GRIP1: variants seen among roughly 807,000 people sequenced by gnomAD.
The protein encoded by GRIP1 is glutamate receptor-interacting protein 1.
GRIP1 carries 45 observed loss-of-function variants against 129.9 expected under a neutral mutation model. The observed-to-expected ratio is 0.35, with a 90% CI of 0.27 to 0.44. The LOEUF (loss-of-function observed/expected upper bound fraction) is 0.44, where lower values mean the gene tolerates loss of function less well. Among genes scored for constraint, GRIP1 ranks in the 20% least tolerant of loss-of-function variants. The pLI is 1.00. For missense variants in GRIP1, 1,196 were observed against 1,396.8 expected (o/e 0.86, Z 2.29); for synonymous variants, 530 against 520.8 (o/e 1.02, Z -0.24).
intron 1 of GRIP1, among the ~76,000 whole-genome samples, chr12:66,822,386 T>C (rs1370180928): frequency 6.6e-6 from 1 of 152,244 alleles, no homozygotes; most frequent in East Asian, 1.9e-4. Context: ...AAGGGAATGC[T>C]TATTCATTGC....
At chr12:66,817,729 T>C (rs1000674458) in intron 1 of GRIP1, among the ~76,000 whole-genome samples, 1 of 152,182 alleles carries the variant, frequency 6.6e-6, no homozygotes, top group Non-Finnish European at 1.5e-5. Flanking sequence ...TTTTAAAATA[T>C]GTTTATTACT....
chr12:66,813,058 T>C (rs981814772), intron 1 of GRIP1, among the ~76,000 whole-genome samples: 1 of 152,184 alleles, frequency 6.6e-6, no homozygotes, highest in Admixed American at 6.5e-5. Flanking sequence ...TGTGTTACTA[T>C]AAAGGAATAC....
At chr12:66,595,304 CA>C (rs1206626141) in intron 2 of GRIP1, among the ~76,000 whole-genome samples, 1 of 152,148 alleles carries the variant, frequency 6.6e-6, no homozygotes, top group African/African-American at 2.4e-5. Context: ...GTGTATTTAA[CA>C]TGTAACTTAA....
chr12:66,979,769 A>G (rs2202340), intron 1 of GRIP1, among the ~76,000 whole-genome samples: 24,106 of 152,158 alleles, frequency 0.16, 2,043 homozygotes, highest in African/African-American at 0.2. Flanking sequence ...GAAAAGACAC[A>G]CAGGGAGAAT....
At chr12:67,043,224 G>A (rs1287890083) in intron 1 of GRIP1, among the ~76,000 whole-genome samples, 1 of 152,162 alleles carries the variant, frequency 6.6e-6, no homozygotes, top group Non-Finnish European at 1.5e-5. Flanking sequence ...CCTCCTGAAA[G>A]CCACGAATTA....
chr12:67,017,964 T>C (rs1400494659), intron 1 of GRIP1, among the ~76,000 whole-genome samples: 4 of 152,190 alleles, frequency 2.6e-5, no homozygotes, highest in Non-Finnish European at 5.9e-5. Context: ...ATTGCTTATG[T>C]GTTAGGCTAC....
intron 1 of GRIP1, among the ~76,000 whole-genome samples, chr12:66,647,798 G>A (rs192658048): frequency 1.3e-4 from 20 of 152,256 alleles, no homozygotes; most frequent in African/African-American, 3.9e-4. Context: ...GGATTTGTCA[G>A]TATGAATTAA....
At chr12:66,551,996 G>A (rs2062156597) in intron 2 of GRIP1, among the ~76,000 whole-genome samples, 1 of 152,166 alleles carries the variant, frequency 6.6e-6, no homozygotes, top group African/African-American at 2.4e-5. Flanking sequence ...CAAGGGATGG[G>A]AGCAGCTGGG....
intron 1 of GRIP1, among the ~76,000 whole-genome samples, chr12:66,693,882 T>C (rs547582703): frequency 2.0e-5 from 3 of 152,334 alleles, no homozygotes; most frequent in Admixed American, 6.5e-5. Flanking sequence ...GAACTGATGA[T>C]AAATTTAGTG....
chr12:66,974,861 G>A (rs999842718), intron 1 of GRIP1, among the ~76,000 whole-genome samples: 3 of 152,138 alleles, frequency 2.0e-5, no homozygotes, highest in Non-Finnish European at 4.4e-5. Flanking sequence ...AGGGATCCTC[G>A]AAATGTGTTC....
intron 1 of GRIP1, among the ~76,000 whole-genome samples, chr12:66,877,979 G>A (rs1042347577): frequency 4.6e-5 from 7 of 152,056 alleles, no homozygotes; most frequent in Non-Finnish European, 1.0e-4. Flanking sequence ...TTTAACTCAA[G>A]AAAGACATAA....
intron 1 of GRIP1, among the ~76,000 whole-genome samples, chr12:67,008,788 A>C (rs931515987): frequency 6.6e-6 from 1 of 152,212 alleles, no homozygotes; most frequent in African/African-American, 2.4e-5. Flanking sequence ...TAATAACAGC[A>C]AAAGATTCTA....
chr12:66,946,202 C>G (rs144601466), intron 1 of GRIP1, among the ~76,000 whole-genome samples: 21 of 152,304 alleles, frequency 1.4e-4, no homozygotes, highest in South Asian at 4.2e-4. Context: ...GCTCTTCTTT[C>G]CCCACTCCAC....
intron 1 of GRIP1, among the ~76,000 whole-genome samples, chr12:66,708,972 T>G (rs1157669099): frequency 6.6e-6 from 1 of 151,714 alleles, no homozygotes; most frequent in Admixed American, 6.6e-5. Flanking sequence ...CTGATAAATA[T>G]TACCATGTGA....
chr12:66,430,096 T>G (rs2058103216), intron 14 of GRIP1, among the ~76,000 whole-genome samples: 1 of 152,244 alleles, frequency 6.6e-6, no homozygotes, highest in African/African-American at 2.4e-5. Context: ...AGCTTCTTAT[T>G]CATTCACTCA....
intron 1 of GRIP1, among the ~76,000 whole-genome samples, chr12:66,894,469 A>G (rs1784987970): frequency 6.6e-6 from 1 of 152,184 alleles, no homozygotes; most frequent in Non-Finnish European, 1.5e-5. Context: ...ATAGTTTGAT[A>G]CACTTTTTAA....
intron 13 of GRIP1, among the ~76,000 whole-genome samples, chr12:66,435,356 T>A (rs779028459): frequency 6.6e-6 from 1 of 152,002 alleles, no homozygotes; most frequent in Non-Finnish European, 1.5e-5. Flanking sequence ...GCACCTGCCA[T>A]CACGCCCAGC....
At chr12:67,045,314 A>G (rs1473415884) in intron 1 of GRIP1, among the ~76,000 whole-genome samples, 1 of 152,194 alleles carries the variant, frequency 6.6e-6, no homozygotes, top group Non-Finnish European at 1.5e-5. Flanking sequence ...AGAGACAGAG[A>G]GAAATTCTAC....
At chr12:67,018,830 G>T (rs186674503) in intron 1 of GRIP1, among the ~76,000 whole-genome samples, 4 of 152,208 alleles carry the variant, frequency 2.6e-5, no homozygotes, top group Non-Finnish European at 4.4e-5. Context: ...ACTAAAAACA[G>T]TTGGAAAACC....
Sources: allele counts gnomAD v4.1 joint callset (sites outside exome capture counted in the v4.1 genomes callset), GRCh38; gene constraint gnomAD v4.1.1; transcripts MANE v1.5; gene names NCBI Gene and HGNC (gene_info 2026-07-23, HGNC 2026-07-21).